DAB1: variants seen among roughly 807,000 people sequenced by gnomAD.
DAB1 encodes the protein disabled homolog 1.
DAB1 carries 15 observed loss-of-function variants against 64.6 expected under a neutral mutation model. The ratio of observed to expected loss-of-function variants is 0.23; its 90% CI spans 0.16 to 0.36. The LOEUF is 0.36. Ranked by LOEUF, DAB1 falls within the 10% of genes least tolerant of loss-of-function variation. The probability of loss-of-function intolerance (pLI) is 1.00; values close to 1 mark genes in which losing one functional copy is unlikely to be tolerated. For missense variants in DAB1, 596 were observed against 706.7 expected (o/e 0.84, Z 1.78); for synonymous variants, 235 against 251.9 (o/e 0.93, Z 0.64).
chr1:57,459,590 T>C (rs1009244015), intron 7 of DAB1, among the ~76,000 whole-genome samples: 52 of 152,282 alleles, frequency 3.4e-4, no homozygotes, highest in African/African-American at 1.2e-3. Context: ...TAAAAACTCA[T>C]TGGATTTCTT....
At chr1:58,011,788 T>C (rs1646671859) in intron 5 of DAB1, among the ~76,000 whole-genome samples, 1 of 151,948 alleles carries the variant, frequency 6.6e-6, no homozygotes, top group Non-Finnish European at 1.5e-5. Flanking sequence ...CACCTCCGGG[T>C]TCAAGCGATT....
intron 14 of DAB1, among the ~76,000 whole-genome samples, chr1:57,004,913 T>G (rs927672933): frequency 1.3e-5 from 2 of 152,190 alleles, no homozygotes; most frequent in African/African-American, 2.4e-5. Context: ...CTCATGGGAC[T>G]GTGACAAGTT....
intron 4 of DAB1, among the ~76,000 whole-genome samples, chr1:58,216,688 T>C (rs1018008095): frequency 6.6e-6 from 1 of 152,192 alleles, no homozygotes; most frequent in Non-Finnish European, 1.5e-5. Flanking sequence ...CTCTCCAGCA[T>C]CTGTTGTTTC....
chr1:57,815,892 T>C lies in DAB1; in HGVS notation n.551+68107A>G, dbSNP rs142048807. On this transcript the variant is annotated intron_variant and non_coding_transcript_variant, in intron 6 of 20. Transcript: ENST00000485760. ...TCCAAGCATCTTAAGAACAGGAACA[T>C]GATCTTTTAATGTATCCTCCAGGCT... is the stretch of plus-strand genomic sequence containing the variant. Among the ~76,000 whole-genome samples the C allele has an allele frequency of 5.5e-3, 845 of 152,314 alleles. 10 individuals carry two copies. The highest frequency in any genetic ancestry group is 0.019 in the African/African-American group (810 of 41,560).
At chr1:57,819,104 G>A (rs887544626) in intron 6 of DAB1, among the ~76,000 whole-genome samples, 5 of 152,274 alleles carry the variant, frequency 3.3e-5, no homozygotes, top group African/African-American at 7.2e-5. Context: ...ATGACTGATG[G>A]ATGTAGACAA....
At chr1:58,024,168 C>T (rs1408926) in intron 5 of DAB1, among the ~76,000 whole-genome samples, 2 of 152,092 alleles carry the variant, frequency 1.3e-5, no homozygotes, top group Non-Finnish European at 2.9e-5. Flanking sequence ...TTAGATATAG[C>T]AATAGATATA....
At chr1:57,642,097 G>C (rs1646137344) in intron 7 of DAB1, among the ~76,000 whole-genome samples, 1 of 152,052 alleles carries the variant, frequency 6.6e-6, no homozygotes, top group South Asian at 2.1e-4. Flanking sequence ...GAAGTGCTCA[G>C]TGATTTTTTT....
chr1:57,004,839 G>A (rs1249022495), intron 14 of DAB1, among the ~76,000 whole-genome samples: 2 of 152,142 alleles, frequency 1.3e-5, no homozygotes, highest in African/African-American at 4.8e-5. Flanking sequence ...ATGAACTTAG[G>A]CGAGCATCTC....
At chr1:58,260,159 T>C (rs1661016897) in intron 4 of DAB1, among the ~76,000 whole-genome samples, 1 of 152,198 alleles carries the variant, frequency 6.6e-6, no homozygotes, top group Admixed American at 6.5e-5. Context: ...TATGAGATTA[T>C]GTTCCCTGGG....
chr1:57,491,604 T>C (rs962006272), intron 7 of DAB1, among the ~76,000 whole-genome samples: 27 of 151,752 alleles, frequency 1.8e-4, no homozygotes, highest in African/African-American at 6.3e-4. Context: ...ATTCAACAAG[T>C]AGTAAGAGCA....
intron 4 of DAB1, among the ~76,000 whole-genome samples, chr1:58,194,810 G>T (rs1657583676): frequency 6.6e-6 from 1 of 152,224 alleles, no homozygotes; most frequent in East Asian, 1.9e-4. Context: ...AGAGCCCCAA[G>T]AATCTAATTG....
intron 6 of DAB1, among the ~76,000 whole-genome samples, chr1:57,729,403 C>A (rs547915053): frequency 1.3e-5 from 2 of 152,320 alleles, no homozygotes; most frequent in Admixed American, 1.3e-4. Flanking sequence ...CCCCGCTGCC[C>A]GCCACATCCT....
chr1:57,198,701 T>C (rs1664851570), intron 2 of DAB1, among the ~76,000 whole-genome samples: 1 of 147,094 alleles, frequency 6.8e-6, no homozygotes, highest in South Asian at 2.2e-4. Flanking sequence ...CCATCAACTT[T>C]TCCTGGGAGA....
rs1343153556 is a variant in DAB1 at position 57,096,136 on chromosome 1, G to A, written c.307-23722C>T. ...TCTATAGTTAACTGATAGGGAAATC[G>A]AAGCTGAGAGGGGTTGTCCTTTGTT... On this transcript the variant is annotated intron_variant, in intron 4 of 14. Transcript: ENST00000371236. Among the ~76,000 whole-genome samples, 5 of 152,262 alleles carry A rather than the reference G, an allele frequency of 3.3e-5. No homozygotes were observed. The East Asian group carries it at 5.8e-4, about 18-fold the overall frequency.
At chr1:57,253,696 T>C (rs1262316828) in intron 2 of DAB1, among the ~76,000 whole-genome samples, 1 of 152,202 alleles carries the variant, frequency 6.6e-6, no homozygotes, top group African/African-American at 2.4e-5. Flanking sequence ...TTGGTATGGT[T>C]AGTGTATCTA....
At chr1:58,142,033 T>C (rs1045472493) in intron 5 of DAB1, among the ~76,000 whole-genome samples, 1 of 152,102 alleles carries the variant, frequency 6.6e-6, no homozygotes, top group Non-Finnish European at 1.5e-5. Flanking sequence ...CCTGCCCCTC[T>C]CTGCCTGCCT....
intron 2 of DAB1, among the ~76,000 whole-genome samples, chr1:57,233,984 C>G (rs189009034): frequency 3.3e-5 from 5 of 152,236 alleles, no homozygotes; most frequent in African/African-American, 9.6e-5. Context: ...ACCATATTAA[C>G]TAACAACCAC....
upstream of DAB1, among the ~76,000 whole-genome samples, chr1:57,887,447 T>A (rs1644240792): frequency 6.6e-6 from 1 of 152,226 alleles, no homozygotes; most frequent in South Asian, 2.1e-4. Context: ...CACTACTGTA[T>A]AATTTACTGA....
chr1:57,423,550 C>T lies in DAB1; in HGVS notation c.-137+380G>A, dbSNP rs1366966169. Reference sequence around the variant, plus strand: ...CCAGGACAGCGGGAGAAGGCAGGCTCGAGGTCCGATATAGCCAGGACCGCA... The same window carrying T: ...CCAGGACAGCGGGAGAAGGCAGGCTTGAGGTCCGATATAGCCAGGACCGCA... On this transcript the variant is annotated intron_variant, in intron 1 of 14. Coordinates refer to ENST00000371236, the MANE Select transcript of DAB1 (RefSeq NM_001365792.1). Among the ~76,000 whole-genome samples, 3 of 151,886 alleles carry T rather than the reference C, an allele frequency of 2.0e-5. No homozygotes were observed. The Middle Eastern group carries it at 0.01, about 520-fold the overall frequency.
Sources: gnomAD v4.1 joint callset for allele counts (sites outside exome capture counted in the v4.1 genomes callset) on GRCh38, gnomAD v4.1.1 for gene constraint, MANE v1.5 for transcripts, NCBI Gene and HGNC (gene_info 2026-07-23, HGNC 2026-07-21) for gene names.